The following TENM3 variants were observed in gnomAD, a reference collection of about 807,000 sequenced individuals.
TENM3 encodes teneurin-3.
In TENM3, 63 loss-of-function variants were observed where a neutral mutation model predicts 255.1. The ratio of observed to expected loss-of-function variants is 0.25; its 90% CI spans 0.20 to 0.30. The LOEUF (loss-of-function observed/expected upper bound fraction) is 0.30. Among genes scored for constraint, TENM3 ranks in the 10% least tolerant of loss-of-function variants. The pLI is 1.00. For synonymous variants in TENM3, 1,306 were observed against 1,322.3 expected (o/e 0.99, Z 0.27); for missense variants, 2,929 against 3,461.1 (o/e 0.85, Z 3.86).
At chr4:182,010,697 T>C in the TENM3 span, among the ~76,000 whole-genome samples, 1 of 152,226 alleles carries the variant, frequency 6.6e-6, no homozygotes, top group South Asian at 2.1e-4. Context: ...TTATGCTTTA[T>C]AAAATTAATA....
At chr4:181,799,730 T>A in the TENM3 span, among the ~76,000 whole-genome samples, 8 of 151,536 alleles carry the variant, frequency 5.3e-5, no homozygotes, top group African/African-American at 1.9e-4. Flanking sequence ...TAATAATAGA[T>A]GAGTACAAAG....
intron 1 of TENM3, among the ~76,000 whole-genome samples, chr4:182,246,098 G>A (rs376126171): frequency 1.3e-5 from 2 of 152,168 alleles, no homozygotes; most frequent in South Asian, 4.1e-4. Context: ...CGCTATGGCA[G>A]AGGGTGGCAC....
At chr4:182,279,378 A>G (rs1760224493) in intron 1 of TENM3, among the ~76,000 whole-genome samples, 1 of 152,218 alleles carries the variant, frequency 6.6e-6, no homozygotes, top group East Asian at 1.9e-4. Context: ...AATGTCGATC[A>G]GTACTCCTCA....
At chr4:182,546,487 A>C (rs1741461700) in intron 3 of TENM3, among the ~76,000 whole-genome samples, 1 of 151,342 alleles carries the variant, frequency 6.6e-6, no homozygotes, top group East Asian at 1.9e-4. Context: ...TCCAGACTGG[A>C]GTTTGTGGCA....
the TENM3 span, among the ~76,000 whole-genome samples, chr4:181,599,935 G>A: frequency 2.0e-5 from 3 of 152,084 alleles, no homozygotes; most frequent in Admixed American, 6.5e-5. Flanking sequence ...ATTTACCGGT[G>A]AGTTCCTTCC....
the TENM3 span, among the ~76,000 whole-genome samples, chr4:181,464,673 A>G: frequency 0.015 from 2,267 of 152,210 alleles, 144 homozygotes; most frequent in East Asian, 0.13. Flanking sequence ...CCAAGTAGCC[A>G]GGCGCAGTGG....
At chr4:181,894,550 A>G in the TENM3 span, among the ~76,000 whole-genome samples, 1 of 152,156 alleles carries the variant, frequency 6.6e-6, no homozygotes. Context: ...TATGAGCAAA[A>G]CAGCCATCGG....
chr4:181,850,259 G>A, the TENM3 span, among the ~76,000 whole-genome samples: 16 of 151,548 alleles, frequency 1.1e-4, no homozygotes, highest in Non-Finnish European at 1.9e-4. Context: ...AAATTATGAT[G>A]ATATCTCCAA....
the TENM3 span, among the ~76,000 whole-genome samples, chr4:182,090,157 T>C: frequency 6.6e-6 from 1 of 152,216 alleles, no homozygotes; most frequent in Admixed American, 6.5e-5. Flanking sequence ...ATTGTGTAGA[T>C]AATATGCACA....
the TENM3 span, among the ~76,000 whole-genome samples, chr4:181,895,697 C>T: frequency 6.6e-6 from 1 of 151,684 alleles, no homozygotes; most frequent in African/African-American, 2.4e-5. Context: ...GGCATGTCAC[C>T]ACAACATCCA....
At chr4:182,744,380 G>C (rs550594283) in intron 19 of TENM3, among the ~76,000 whole-genome samples, 74 of 149,894 alleles carry the variant, frequency 4.9e-4, no homozygotes, top group Middle Eastern at 3.4e-3. Flanking sequence ...TTTCTCAGTT[G>C]GTTCATAAAA....
intron 1 of TENM3, among the ~76,000 whole-genome samples, chr4:182,245,063 A>G (rs1046332034): frequency 1.3e-5 from 2 of 152,218 alleles, no homozygotes; most frequent in Admixed American, 1.3e-4. Context: ...CATTCAAAAC[A>G]ATCGAGTGTT....
At chr4:182,256,119 ATGTTCT>A (rs1434986289) in intron 1 of TENM3, among the ~76,000 whole-genome samples, 1 of 152,200 alleles carries the variant, frequency 6.6e-6, no homozygotes, top group Non-Finnish European at 1.5e-5. Context: ...CAAAATGATG[ATGTTCT>A]TCACTTCTAG....
chr4:182,446,696 G>A (rs1446347390), intron 3 of TENM3, among the ~76,000 whole-genome samples: 1 of 151,500 alleles, frequency 6.6e-6, no homozygotes, highest in Non-Finnish European at 1.5e-5. Flanking sequence ...CTGGGCTCAA[G>A]CAGTCTGCCT....
chr4:181,477,162 T>C, the TENM3 span, among the ~76,000 whole-genome samples: 21 of 152,228 alleles, frequency 1.4e-4, no homozygotes, highest in East Asian at 3.7e-3. Flanking sequence ...GCCAGTTACA[T>C]TTTCCCTTCC....
intron 1 of TENM3, among the ~76,000 whole-genome samples, chr4:182,212,476 T>C (rs1007505632): frequency 4.6e-5 from 7 of 151,740 alleles, no homozygotes; most frequent in Admixed American, 1.3e-4. Flanking sequence ...CTCTGACTAA[T>C]AATAAAAGGT....
the TENM3 span, among the ~76,000 whole-genome samples, chr4:181,456,125 A>ATGTGTGTG: frequency 0.013 from 824 of 62,278 alleles, 7 homozygotes; most frequent in African/African-American, 0.027. Flanking sequence ...ATATATATAT[A>ATGTGTGTG]TATGTGTGTG....
At chr4:181,688,459 A>T in the TENM3 span, among the ~76,000 whole-genome samples, 1 of 152,006 alleles carries the variant, frequency 6.6e-6, no homozygotes, top group African/African-American at 2.4e-5. Context: ...TTTTCTCTTG[A>T]TAGAAGCCAA....
intron 1 of TENM3, among the ~76,000 whole-genome samples, chr4:182,171,784 G>A (rs1752125266): frequency 6.6e-6 from 1 of 152,154 alleles, no homozygotes; most frequent in African/African-American, 2.4e-5. Context: ...CTTACTAAAA[G>A]TGGCTAAGTT....
Sources: allele counts gnomAD v4.1 joint callset (sites outside exome capture counted in the v4.1 genomes callset), GRCh38; gene constraint gnomAD v4.1.1; transcripts MANE v1.5; gene names NCBI Gene and HGNC (gene_info 2026-07-23, HGNC 2026-07-21).